The following ATP9A variants were observed in gnomAD, a reference collection of about 807,000 sequenced individuals.
ATP9A encodes ATPase phospholipid transporting 9A.
ATP9A carries 52 observed loss-of-function variants against 144.1 expected under a neutral mutation model. That is an observed-to-expected ratio of 0.36 (90% CI 0.29 to 0.45). The LOEUF (loss-of-function observed/expected upper bound fraction) is 0.45. Ranked by LOEUF, ATP9A falls within the 20% of genes least tolerant of loss-of-function variation. ATP9A has a pLI of 1.00. For missense variants in ATP9A, 947 were observed against 1,392.7 expected (o/e 0.68, Z 5.09); for synonymous variants, 582 against 557.4 (o/e 1.04, Z -0.62).
chr20:51,636,425 G>A (rs573930620), intron 15 of ATP9A, among the ~76,000 whole-genome samples: 1 of 152,340 alleles, frequency 6.6e-6, no homozygotes, highest in South Asian at 2.1e-4. Flanking sequence ...CCATATTGCT[G>A]TTTTAAGCCA....
At chr20:51,663,753 C>T (rs2077420986) in intron 13 of ATP9A, among the ~76,000 whole-genome samples, 1 of 147,902 alleles carries the variant, frequency 6.8e-6, no homozygotes, top group Non-Finnish European at 1.5e-5. Context: ...GAGATCGCGC[C>T]ACTGCACTCC....
In ATP9A at chr20:51,656,984, T is replaced by C. The variant is rs1440442593; in HGVS notation, c.1460A>G (p.Gln487Arg). 3.1e-6 allele frequency: 5 copies of C among 1,614,080 alleles called. No individual in the cohort carries two copies. Among genetic ancestry groups the C allele is most frequent in the East Asian group, 4.5e-5 (2 of 44,882 alleles). The change falls in exon 14 of 28, where the codon CAG (glutamine) becomes CGG (arginine). Residue 487 changes from glutamine (Q) to arginine (R), a missense_variant. Transcript: ENST00000338821. ...GTATACGCGGCAGGAGTCTTCGTACTGCTTCTCGGCCTCAGCCTGATCAGT... is the reference window on the plus strand; with the variant it reads ...GTATACGCGGCAGGAGTCTTCGTACCGCTTCTCGGCCTCAGCCTGATCAGT... ...GVTDQAEAEK[Q>R]YEDSCRVYQA...
At chr20:51,712,453 T>C (rs1441323896) in intron 4 of ATP9A, among the ~76,000 whole-genome samples, 2 of 152,208 alleles carry the variant, frequency 1.3e-5, no homozygotes, top group Non-Finnish European at 2.9e-5. Context: ...TGGATCAGAC[T>C]CCATGCTCTG....
intron 1 of ATP9A, among the ~76,000 whole-genome samples, chr20:51,753,479 A>T (rs866090665): frequency 3.0e-4 from 45 of 151,592 alleles, no homozygotes; most frequent in African/African-American, 1.1e-3. Flanking sequence ...CAACAACAAC[A>T]ACAACAACAA....
At chr20:51,766,198 G>A (rs1021886677) in intron 1 of ATP9A, among the ~76,000 whole-genome samples, 15 of 152,216 alleles carry the variant, frequency 9.9e-5, no homozygotes, top group African/African-American at 3.6e-4. Context: ...ATCATCAGGG[G>A]AGCTTATTAA....
At chr20:51,693,221 G>T (rs1212970758) in intron 7 of ATP9A, among the ~76,000 whole-genome samples, 1 of 152,222 alleles carries the variant, frequency 6.6e-6, no homozygotes. Context: ...GCAGGGAGAG[G>T]TGGGCAGAAA....
chr20:51,741,183 C>T (rs6021409), intron 1 of ATP9A, among the ~76,000 whole-genome samples: 1,785 of 152,186 alleles, frequency 0.012, 40 homozygotes, highest in African/African-American at 0.041. Flanking sequence ...GCTGAGAGTT[C>T]TACTGGGCAA....
chr20:51,635,907 G>A (rs1433739181), intron 15 of ATP9A, among the ~76,000 whole-genome samples: 3 of 150,428 alleles, frequency 2.0e-5, no homozygotes, highest in African/African-American at 7.4e-5. Context: ...GAGGACAGGA[G>A]GAACTTCCTT....
intron 9 of ATP9A, among the ~76,000 whole-genome samples, chr20:51,686,214 C>T (rs988113769): frequency 1.3e-4 from 19 of 151,722 alleles, no homozygotes; most frequent in South Asian, 2.1e-4. Flanking sequence ...CGGGGCCTGT[C>T]GTGGCGTGGG....
In ATP9A at chr20:51,610,124, G is replaced by A. The variant is rs199527197; in HGVS notation, c.2613C>T (p.Leu871=). 1.4e-5 allele frequency: 22 copies of A among 1,609,066 alleles called. No individual in the cohort carries two copies. The East Asian group carries it at 4.2e-4, about 31-fold the overall frequency. Residue 871 remains leucine, a synonymous_variant, in exon 24 of 28, where the codon CTC becomes CTT. Coordinates refer to ENST00000338821, the MANE Select transcript of ATP9A (RefSeq NM_006045.3). ...SSVFYFASVP[L]YQGFLIIGYS... is the part of the protein sequence containing the mutation. The stretch of plus-strand genomic sequence containing the variant: ...ACCCAATGATGAGGAATCCTTGATA[G>A]AGAGGGACGGAGGCAAAGTAAAACA...
chr20:51,713,088 C>A lies in ATP9A; in HGVS notation c.328-14G>T, dbSNP rs1293250861. The A allele has an allele frequency of 1.9e-6, 3 of 1,599,776 alleles. No homozygotes were observed. The African/African-American group carries it at 4.0e-5, about 21-fold the overall frequency. On this transcript the variant is annotated splice_polypyrimidine_tract_variant and intron_variant, in intron 3 of 27. Transcript: ENST00000338821. ...CAGCACGAAGCCCTGCAGAGACAGA[C>A]GACAGTGAGTCTTGCTACAGGCAGT...
intron 3 of ATP9A, among the ~76,000 whole-genome samples, chr20:51,721,747 G>A (rs2077690039): frequency 6.9e-6 from 1 of 144,058 alleles, no homozygotes; most frequent in African/African-American, 2.6e-5. Flanking sequence ...CTTACAGTGA[G>A]CCACGATCAC....
chr20:51,644,923 T>G (rs1050427767), intron 14 of ATP9A, among the ~76,000 whole-genome samples: 4 of 152,166 alleles, frequency 2.6e-5, no homozygotes, highest in Non-Finnish European at 5.9e-5. Context: ...GCTTTTAACT[T>G]TAATCGAGAA....
Position 51,599,373 on chromosome 20 carries a change from G to A in ATP9A, c.*1838C>T, listed in dbSNP as rs2077132752. 1 of 151,936 alleles carries A rather than the reference G, an allele frequency of 6.6e-6. No individual in the cohort carries two copies. The highest frequency in any genetic ancestry group is 1.5e-5 in the Non-Finnish European group (1 of 67,964). 9.4% of individuals were successfully genotyped at this position (151,936 alleles called of 1,614,324 possible). The stretch of plus-strand genomic sequence containing the variant: ...CAGCACAAATTTCTCCTCCACCTTT[G>A]AAAACACAGAAACTCACTCAATGAA... On this transcript the variant is annotated 3_prime_UTR_variant, in exon 28 of 28. Coordinates refer to ENST00000338821, the MANE Select transcript of ATP9A (RefSeq NM_006045.3).
chr20:51,660,476 A>G (rs1021630217), intron 13 of ATP9A, among the ~76,000 whole-genome samples: 3 of 152,226 alleles, frequency 2.0e-5, no homozygotes, highest in Admixed American at 6.5e-5. Flanking sequence ...CTGACAACGA[A>G]TGAATTAGAA....
chr20:51,722,774 A>T (rs1262722717), intron 3 of ATP9A, among the ~76,000 whole-genome samples: 1 of 152,220 alleles, frequency 6.6e-6, no homozygotes, highest in Admixed American at 6.5e-5. Context: ...TATGGAAAAC[A>T]GTGTGGAGAT....
At chr20:51,663,899 C>G (rs188762083) in intron 13 of ATP9A, among the ~76,000 whole-genome samples, 1 of 151,820 alleles carries the variant, frequency 6.6e-6, no homozygotes, top group Non-Finnish European at 1.5e-5. Flanking sequence ...TACTGATGAA[C>G]TGAGTGCATC....
At chr20:51,604,166 T>C (rs551010435) in intron 27 of ATP9A, among the ~76,000 whole-genome samples, 5 of 143,894 alleles carry the variant, frequency 3.5e-5, no homozygotes, top group African/African-American at 1.3e-4. Flanking sequence ...ACATCTGATA[T>C]TCCTGTGCTC....
intron 9 of ATP9A, among the ~76,000 whole-genome samples, chr20:51,682,169 A>T (rs1459349001): frequency 6.6e-6 from 1 of 152,136 alleles, no homozygotes; most frequent in Non-Finnish European, 1.5e-5. Flanking sequence ...TGACAATATC[A>T]TCTGTACACT....
Sources: gnomAD v4.1 joint callset for allele counts (sites outside exome capture counted in the v4.1 genomes callset) on GRCh38, gnomAD v4.1.1 for gene constraint, MANE v1.5 for transcripts, NCBI Gene and HGNC (gene_info 2026-07-23, HGNC 2026-07-21) for gene names.